The following CES4A variants were observed in gnomAD, a reference collection of about 807,000 sequenced individuals.
CES4A encodes the protein carboxylesterase 6.
CES4A carries 48 observed loss-of-function variants against 65.4 expected under a neutral mutation model. The observed-to-expected ratio is 0.73, with a 90% confidence interval of 0.58 to 0.93. The LOEUF (loss-of-function observed/expected upper bound fraction) is 0.93, where lower values mean the gene tolerates loss of function less well. Among genes scored for constraint, CES4A ranks in the 40% least tolerant of loss-of-function variants. CES4A has a pLI of 0.00. For missense variants in CES4A, 685 were observed against 728.5 expected, an observed-to-expected ratio of 0.94 and a Z score of 0.69; for synonymous variants, 247 against 281.8, an observed-to-expected ratio of 0.88 and a Z score of 1.24.
chr16:67,009,296 T>C, exon 14 of CES4A: 1 of 702,732 alleles, frequency 1.4e-6, no homozygotes, highest in Non-Finnish European at 2.3e-6. Context: ...AAGCTAGAGC[T>C]TTTGCCTGTT....
exon 10 of CES4A, chr16:67,004,846 G>A: frequency 6.5e-7 from 1 of 1,536,108 alleles, no homozygotes; most frequent in South Asian, 1.2e-5. Flanking sequence ...CCATCACTAA[G>A]ATGCTCTGGA....
intron 2 of CES4A, among the ~76,000 whole-genome samples, chr16:66,996,909 A>C (rs1003114425): frequency 6.6e-6 from 1 of 152,086 alleles, no homozygotes; most frequent in African/African-American, 2.4e-5. Context: ...TTAAAAAAAT[A>C]TCTGGGGGTG....
intron 13 of CES4A, chr16:67,007,106 C>G (rs1353160954): frequency 1.8e-5 from 7 of 399,010 alleles, no homozygotes; most frequent in Non-Finnish European, 2.7e-5. Flanking sequence ...AGCTGGAATT[C>G]AAGGATGTTG....
At chr16:67,004,651 T>TC in intron 9 of CES4A, 142 bp from the exon 10 acceptor site, 1 of 678,520 alleles carries the variant, frequency 1.5e-6, no homozygotes, top group Non-Finnish European at 2.6e-6. Context: ...CAAGAGAGAG[T>TC]CATGGGCCCT....
intron 2 of CES4A, among the ~76,000 whole-genome samples, chr16:66,996,818 C>T (rs1185185216): frequency 6.6e-6 from 1 of 152,036 alleles, no homozygotes; most frequent in Non-Finnish European, 1.5e-5. Flanking sequence ...TTTTGATAGG[C>T]CAAGGCAGGA....
At chr16:66,996,131 G>A (rs552114837) in intron 2 of CES4A, 151 of 496,044 alleles carry the variant, frequency 3.0e-4, no homozygotes, top group African/African-American at 2.1e-3. Flanking sequence ...TCCGCCTCCC[G>A]GGTTCAAGCG....
chr16:67,005,553 A>C, intron 11 of CES4A, 160 bp downstream of exon 11: 1 of 694,116 alleles, frequency 1.4e-6, no homozygotes, highest in Non-Finnish European at 2.3e-6. Context: ...TATCAACTAC[A>C]AGAGAGGAAG....
rs1965549691 is a variant in CES4A at position 67,003,992 on chromosome 16, G to A, written c.940-92G>A. The A allele has an allele frequency of 7.4e-7, 1 of 1,345,518 alleles. No individual in the cohort carries two copies. Among genetic ancestry groups the A allele is most frequent in the South Asian group, 1.3e-5 (1 of 79,352 alleles). The allele number at this position is 1,345,518 out of a possible 1,614,324, so 83.3% of individuals were successfully genotyped here. On this transcript the variant is annotated intron_variant, in intron 8 of 13. Transcript: ENST00000648724. The surrounding 1 kb of genome is among the most constrained non-coding windows in gnomAD (Gnocchi z 4.2). ...AGCCTTTTCCCAATCAAAGAACCTA[G>A]GCTAGAGCAGCCTCTGAAGGGGCAC...
At chr16:67,004,321 G>A (rs1418614054) in intron 9 of CES4A, 97 bp downstream of exon 9, 6 of 1,370,272 alleles carry the variant, frequency 4.4e-6, no homozygotes, top group Admixed American at 3.6e-5. Flanking sequence ...TGGGCACCAG[G>A]TCAGATGCCA....
intron 10 of CES4A, 177 bp from the exon 11 acceptor site, chr16:67,005,063 T>A (rs1965647006): frequency 1.3e-6 from 1 of 774,710 alleles, no homozygotes; most frequent in African/African-American, 1.7e-5. Context: ...GGGGCAGTTA[T>A]GCAGCAAAAT....
chr16:67,005,160 C>A, intron 10 of CES4A, 80 bp from the exon 11 acceptor site: 1 of 1,441,884 alleles, frequency 6.9e-7, no homozygotes, highest in Non-Finnish European at 9.7e-7. Context: ...GGGGGCTGAG[C>A]ATGGATCCAA....
chr16:66,995,176 G>A (rs1228484527), intron 1 of CES4A, among the ~76,000 whole-genome samples: 1 of 151,840 alleles, frequency 6.6e-6, no homozygotes, highest in Non-Finnish European at 1.5e-5. Context: ...CGGGTGTGGT[G>A]GCGGGCGCCT....
In CES4A at chr16:67,001,426, G is replaced by A. The variant is rs1291190979; in HGVS notation, c.655G>A (p.Gly219Ser). 2.5e-6 allele frequency: 4 copies of A among 1,612,716 alleles called. No individual in the cohort carries two copies. Among genetic ancestry groups the A allele is most frequent in the Non-Finnish European group, 2.5e-6 (3 of 1,179,346 alleles). Reference sequence around the variant, plus strand: ...AGACCCAGGAAATGTGACCCTGTTCGGCCAGTCGGCGGGGGCCATGAGCAT... The same window carrying A: ...AGACCCAGGAAATGTGACCCTGTTCAGCCAGTCGGCGGGGGCCATGAGCAT... Residue 219 changes from glycine (G) to serine (S), a missense_variant, in exon 5 of 14, where the codon GGC becomes AGC. Physicochemically the swap from Gly to Ser is moderately conservative, Grantham distance 56. Coordinates refer to ENST00000648724, the Ensembl canonical transcript of CES4A. This position sits in a 1 kb window ranked among gnomAD's most constrained non-coding sequence, Gnocchi z 4.1.
At position 67,000,392 on chromosome 16, in the gene CES4A, C is replaced by A; in HGVS notation, c.261-246C>A. Reference sequence around the variant, plus strand: ...CCTGCCTTGACAGCACCAACAGGAGCAGGAATCTCTCCACGGACTGAGGCG... The same window carrying A: ...CCTGCCTTGACAGCACCAACAGGAGAAGGAATCTCTCCACGGACTGAGGCG... On this transcript the variant is annotated intron_variant, in intron 2 of 13. Transcript: ENST00000648724. This position sits in a 1 kb window ranked among gnomAD's most constrained non-coding sequence, Gnocchi z 4.2. 1 of 828,092 alleles carries A rather than the reference C, an allele frequency of 1.2e-6. No individual in the cohort carries two copies. The highest frequency in any genetic ancestry group is 1.5e-6 in the Non-Finnish European group (1 of 686,612). 51.3% of individuals were successfully genotyped at this position (828,092 alleles called of 1,614,324 possible). A position where few individuals can be genotyped will look rare whatever the true frequency, so the allele number is the denominator to read the frequency against.
exon 1 of CES4A, chr16:66,988,721 G>T: frequency 1.3e-6 from 2 of 1,551,756 alleles, no homozygotes; most frequent in Non-Finnish European, 8.7e-7. Flanking sequence ...CCACAGTGTT[G>T]CCATCCACAG....
chr16:66,992,742 A>G (rs977472105), intron 1 of CES4A, among the ~76,000 whole-genome samples: 2 of 152,088 alleles, frequency 1.3e-5, no homozygotes, highest in African/African-American at 4.8e-5. Context: ...GTATAGAGTG[A>G]TCTCTGCTCA....
At chr16:67,006,206 G>A in intron 11 of CES4A, 185 bp from the exon 12 acceptor site, 2 of 597,244 alleles carry the variant, frequency 3.3e-6, no homozygotes, top group East Asian at 2.8e-5. Flanking sequence ...AATTCAGAAA[G>A]GTAGAGCAAC....
intron 2 of CES4A, among the ~76,000 whole-genome samples, chr16:66,996,900 TA>T (rs1294518727): frequency 3.3e-5 from 5 of 151,840 alleles, no homozygotes; most frequent in Non-Finnish European, 5.9e-5. Flanking sequence ...CAGAAAATTT[TA>T]AAAAAATATC....
intron 1 of CES4A, among the ~76,000 whole-genome samples, chr16:66,990,754 C>T (rs1597043050): frequency 6.6e-6 from 1 of 150,866 alleles, no homozygotes; most frequent in Non-Finnish European, 1.5e-5. Flanking sequence ...TGAATAAACA[C>T]AATTTTATAT....
Sources: gnomAD v4.1 joint callset for allele counts (sites outside exome capture counted in the v4.1 genomes callset) on GRCh38, gnomAD v4.1.1 for gene constraint, Gnocchi (gnomAD v3.1) non-coding constraint, MANE v1.5 for transcripts, NCBI Gene and HGNC (gene_info 2026-07-23, HGNC 2026-07-21) for gene names.